The following ARHGEF6 variants were observed in gnomAD, a reference collection of about 807,000 sequenced individuals.
The protein encoded by ARHGEF6 is Rac/Cdc42 guanine nucleotide exchange factor 6.
Under a neutral mutation model 70.3 loss-of-function variants are expected in ARHGEF6, and 9 were observed. The observed-to-expected ratio is 0.13, with a 90% confidence interval of 0.08 to 0.22. The LOEUF is 0.22. Ranked by LOEUF, ARHGEF6 falls within the 10% of genes least tolerant of loss-of-function variation. The probability of loss-of-function intolerance (pLI) is 1.00; values close to 1 mark genes in which losing one functional copy is unlikely to be tolerated. For synonymous variants in ARHGEF6, 201 were observed against 207.8 expected, an observed-to-expected ratio of 0.97 and a Z score of 0.28; for missense variants, 470 against 563.0, an observed-to-expected ratio of 0.83 and a Z score of 1.67.
At position 136,736,623 on chromosome X, in the gene ARHGEF6, G is replaced by A. The variant is rs961673651; in HGVS notation, c.662-4451C>T. ...ACAAGCTCATGTTAAAAAGAGGTGTGTGTGTGTGTGTGTGTGTGTGTGTGT... is the reference window on the plus strand; with the variant it reads ...ACAAGCTCATGTTAAAAAGAGGTGTATGTGTGTGTGTGTGTGTGTGTGTGT... On this transcript the variant is annotated intron_variant, in intron 5 of 21. Coordinates refer to ENST00000250617, the MANE Select transcript of ARHGEF6 (RefSeq NM_004840.3). 8.2e-5 allele frequency among the ~76,000 whole-genome samples: 9 copies of A among 109,109 alleles called. 1 individual carries two copies. Among genetic ancestry groups the A allele is most frequent in the African/African-American group, 1.3e-4 (4 of 30,027 alleles). The allele number at this position is 109,109 out of a possible 115,157, so 94.7% of individuals were successfully genotyped here.
chrX:136,686,697 C>CATATATATACACAT (rs2076403204), intron 11 of ARHGEF6, among the ~76,000 whole-genome samples: 1 of 42,941 alleles, frequency 2.3e-5, no homozygotes, highest in Non-Finnish European at 4.0e-5. Flanking sequence ...TATATATACA[C>CATATATATACACAT]ATATATATAT....
intron 6 of ARHGEF6, among the ~76,000 whole-genome samples, chrX:136,727,411 C>T (rs7883404): frequency 0.17 from 11,785 of 70,236 alleles, 1,129 homozygotes; most frequent in South Asian, 0.26. Flanking sequence ...CTCTCTCTCT[C>T]TCTTTCTTTC....
chrX:136,688,602 G>A (rs1963620402), intron 10 of ARHGEF6, among the ~76,000 whole-genome samples: 1 of 110,459 alleles, frequency 9.1e-6, no homozygotes, highest in South Asian at 3.8e-4. Flanking sequence ...AGACTGTGAT[G>A]AGCTGTGATT....
At chrX:136,712,254 T>A in intron 7 of ARHGEF6, among the ~76,000 whole-genome samples, 2 of 111,224 alleles carry the variant, frequency 1.8e-5, no homozygotes, top group Middle Eastern at 9.2e-3. Context: ...GATTACAGGC[T>A]TGCACTACCA....
At position 136,712,425 on chromosome X, in the gene ARHGEF6, A is replaced by T. The variant is rs1038798441; in HGVS notation, c.827+851T>A. Among the ~76,000 whole-genome samples, 3 of 112,378 alleles carry T rather than the reference A, an allele frequency of 2.7e-5. No homozygotes were observed. The East Asian group carries it at 8.3e-4, about 31-fold the overall frequency. On this transcript the variant is annotated intron_variant, in intron 7 of 21. Transcript: ENST00000250617. Reference sequence around the variant, plus strand: ...CCATCACACCCGGCCAAATTTCTCAAATATATTAACTTATTTAAGTTTGAA... The same window carrying T: ...CCATCACACCCGGCCAAATTTCTCATATATATTAACTTATTTAAGTTTGAA...
intron 8 of ARHGEF6, 108 bp from the exon 9 acceptor site, chrX:136,707,138 A>C: frequency 1.0e-6 from 1 of 969,689 alleles, no homozygotes; most frequent in Non-Finnish European, 1.4e-6. Context: ...ATATTTTGCC[A>C]AGGTTAAAAG....
chrX:136,681,314 G>A (rs2076331181), intron 14 of ARHGEF6, among the ~76,000 whole-genome samples: 1 of 111,842 alleles, frequency 8.9e-6, no homozygotes, highest in Admixed American at 9.5e-5. Context: ...AAAGAAGAGG[G>A]TAAGGCCATG....
At chrX:136,682,701 A>T in intron 13 of ARHGEF6, 57 bp downstream of exon 13, 1 of 980,803 alleles carries the variant, frequency 1.0e-6, no homozygotes, top group Non-Finnish European at 1.5e-6. Context: ...TTGCATCTGG[A>T]TGGAAACCTG....
chrX:136,693,243 A>G (rs2076476322), intron 9 of ARHGEF6, among the ~76,000 whole-genome samples: 1 of 112,109 alleles, frequency 8.9e-6, no homozygotes, highest in South Asian at 3.7e-4. Context: ...GCTAAACATC[A>G]TAAAACAATT....
intron 12 of ARHGEF6, 44 bp from the exon 13 acceptor site, chrX:136,682,888 C>T (rs1279534676): frequency 3.0e-5 from 31 of 1,038,279 alleles, no homozygotes; most frequent in Non-Finnish European, 4.2e-5. Context: ...GAATTGGACA[C>T]TTTATCTGTT....
At chrX:136,747,231 G>C (rs181850868) in intron 3 of ARHGEF6, among the ~76,000 whole-genome samples, 22 of 111,028 alleles carry the variant, frequency 2.0e-4, no homozygotes, top group Admixed American at 1.9e-3. Flanking sequence ...TCTCTGTTTT[G>C]TTATACTCAG....
rs181387358 is a variant in ARHGEF6, at chrX:136,761,034, A to G, written c.250-13442T>C. Among the ~76,000 whole-genome samples, 223 of 112,333 alleles carry G rather than the reference A, an allele frequency of 2.0e-3. 1 individual carries two copies. Among genetic ancestry groups the G allele is most frequent in the Non-Finnish European group, 3.5e-3 (184 of 53,242 alleles). On this transcript the variant is annotated intron_variant, in intron 2 of 21. Coordinates refer to ENST00000250617, the MANE Select transcript of ARHGEF6 (RefSeq NM_004840.3). ...AGAGGAATCCATCCAAACTGTTTCT[A>G]TTATTAGAACACAAAATGGTAGCTC...
intron 5 of ARHGEF6, among the ~76,000 whole-genome samples, chrX:136,743,180 G>A (rs778192992): frequency 1.4e-4 from 16 of 111,351 alleles, no homozygotes; most frequent in African/African-American, 5.2e-4. Flanking sequence ...TTAGTCTCAG[G>A]TCTGCTTACA....
chrX:136,729,625 T>C (rs1325950899), intron 6 of ARHGEF6, among the ~76,000 whole-genome samples: 1 of 107,126 alleles, frequency 9.3e-6, no homozygotes, highest in Non-Finnish European at 1.9e-5. Flanking sequence ...AACTCAGGAG[T>C]TCGAGACCAG....
intron 5 of ARHGEF6, among the ~76,000 whole-genome samples, chrX:136,742,306 A>G (rs607317): frequency 0.046 from 5,094 of 111,185 alleles, 291 homozygotes; most frequent in African/African-American, 0.16. Flanking sequence ...GTGACAGAGC[A>G]AGACTCCGTC....
chrX:136,708,306 A>G (rs1190010493), intron 8 of ARHGEF6, among the ~76,000 whole-genome samples: 1 of 108,757 alleles, frequency 9.2e-6, no homozygotes, highest in Non-Finnish European at 1.9e-5. Flanking sequence ...GGTGCAGCAA[A>G]CCACCATGGC....
intron 7 of ARHGEF6, among the ~76,000 whole-genome samples, chrX:136,712,825 G>A (rs866565843): frequency 9.0e-6 from 1 of 111,473 alleles, no homozygotes; most frequent in Non-Finnish European, 1.9e-5. Context: ...ATAATGGCTT[G>A]AATAGCTCTT....
intron 9 of ARHGEF6, among the ~76,000 whole-genome samples, chrX:136,691,921 C>A (rs903062533): frequency 4.5e-5 from 5 of 111,942 alleles, no homozygotes; most frequent in African/African-American, 1.6e-4. Flanking sequence ...TGCAAAGTGA[C>A]CTACTTATTC....
chrX:136,759,951 C>G (rs1472483728), intron 2 of ARHGEF6, among the ~76,000 whole-genome samples: 1 of 112,173 alleles, frequency 8.9e-6, no homozygotes, highest in African/African-American at 3.2e-5. Context: ...TGATACGTGA[C>G]TACATGCTGT....
Sources: gnomAD v4.1 joint callset for allele counts (sites outside exome capture counted in the v4.1 genomes callset) on GRCh38, gnomAD v4.1.1 for gene constraint, MANE v1.5 for transcripts, NCBI Gene and HGNC (gene_info 2026-07-23, HGNC 2026-07-21) for gene names.